The following GNB4 variants were observed in gnomAD, a reference collection of about 807,000 sequenced individuals.
GNB4 encodes guanine nucleotide-binding protein subunit beta-4.
Under a neutral mutation model 45.2 loss-of-function variants are expected in GNB4, and 28 were observed. The observed-to-expected ratio is 0.62, with a 90% CI of 0.46 to 0.85. GNB4 has a LOEUF of 0.85. Among genes scored for constraint, GNB4 ranks in the 40% least tolerant of loss-of-function variants. The pLI, the probability that GNB4 is intolerant of heterozygous loss-of-function variation, is 0.00. For missense variants in GNB4, 321 were observed against 425.4 expected (o/e 0.75, Z 2.16); for synonymous variants, 132 against 143.7 (o/e 0.92, Z 0.58).
chr3:179,526,353 C>G, the GNB4 span, among the ~76,000 whole-genome samples: 1 of 152,176 alleles, frequency 6.6e-6, no homozygotes. Flanking sequence ...CTGACAGACA[C>G]CAGGCACAAG....
At chr3:179,461,421 C>CG in the GNB4 span, among the ~76,000 whole-genome samples, 1 of 151,186 alleles carries the variant, frequency 6.6e-6, no homozygotes, top group South Asian at 2.1e-4. Context: ...GGCGTGAACC[C>CG]GGGAGGCGGA....
the GNB4 span, among the ~76,000 whole-genome samples, chr3:179,474,737 CTTTTTTTTTTTT>C: frequency 5.0e-5 from 3 of 59,726 alleles, no homozygotes; most frequent in East Asian, 7.6e-4. Flanking sequence ...AGACTGGGTC[CTTTTTTTTTTTT>C]TTTTTTTTTT....
At chr3:179,519,452 TCCACATTACCTTCTTTTCAAGGG>T in the GNB4 span, among the ~76,000 whole-genome samples, 2 of 152,174 alleles carry the variant, frequency 1.3e-5, no homozygotes, top group Non-Finnish European at 1.5e-5. Context: ...GGCTACCCAC[TCCACATTACCTTCTTTTCAAGGG>T]CCTGTTTCCC....
Position 179,397,651 on chromosome 3 carries a change from G to GATA in GNB4, c.*3559_*3561dup, listed in dbSNP as rs1714159543. 6.6e-6 allele frequency: 1 copy of GATA among 152,598 alleles called. No homozygotes were observed. The highest frequency in any genetic ancestry group is 2.1e-4 in the South Asian group (1 of 4,828). 9.5% of individuals were successfully genotyped at this position (152,598 alleles called of 1,614,324 possible). A position where few individuals can be genotyped will look rare whatever the true frequency, so the allele number is the denominator to read the frequency against. Reference sequence around the variant, plus strand: ...AAACTTGAGCTAGGGAGGAACCTTGGATATTCAGTCTACATCTCAAACAGC... The same window carrying GATA: ...AAACTTGAGCTAGGGAGGAACCTTGGATAATATTCAGTCTACATCTCAAACAGC... On this transcript the variant is annotated 3_prime_UTR_variant, in exon 10 of 10. Transcript: ENST00000232564.
In GNB4 at chr3:179,426,233, G is replaced by A. The variant is rs16830460; in HGVS notation, c.-33C>T. ...ATTTGTTTACCTCAGGAGCTAATGA[G>A]TGAAAACAGCTGTTAAAAAACAGAG... On this transcript the variant is annotated 5_prime_UTR_variant, in exon 2 of 10. Transcript: ENST00000232564. 13,034 of 1,508,270 alleles carry A rather than the reference G, an allele frequency of 8.6e-3. 394 individuals carry two copies. The African/African-American group carries it at 0.097, about 11-fold the overall frequency. The allele number at this position is 1,508,270 out of a possible 1,614,324, so 93.4% of individuals were successfully genotyped here. A position where few individuals can be genotyped will look rare whatever the true frequency, so the allele number is the denominator to read the frequency against.
At chr3:179,518,784 A>C in the GNB4 span, among the ~76,000 whole-genome samples, 71 of 152,334 alleles carry the variant, frequency 4.7e-4, no homozygotes, top group Middle Eastern at 3.4e-3. Context: ...TTCATGGCTC[A>C]TTTGGCAGCA....
At chr3:179,453,889 TA>T (rs1234648754), upstream of GNB4, among the ~76,000 whole-genome samples, 4 of 151,926 alleles carry the variant, frequency 2.6e-5, no homozygotes, top group Non-Finnish European at 4.4e-5. Context: ...GACAAGCCTA[TA>T]CTGAAAATCT....
chr3:179,461,450 T>C, the GNB4 span, among the ~76,000 whole-genome samples: 1 of 150,442 alleles, frequency 6.6e-6, no homozygotes, highest in Admixed American at 6.6e-5. Context: ...TGAGCCGAGA[T>C]TGCGCCACTG....
chr3:179,401,332 T>A lies in GNB4; in HGVS notation c.917-13A>T. The A allele has an allele frequency of 1.3e-6, 2 of 1,585,802 alleles. No individual in the cohort carries two copies. The highest frequency in any genetic ancestry group is 4.5e-5 in the East Asian group (2 of 44,472). ...CCAGCAAGGACACCTGAAAAAAAAATTCAGTAAAAAATTGGCAATTGTAGG... is the reference window on the plus strand; with the variant it reads ...CCAGCAAGGACACCTGAAAAAAAAAATCAGTAAAAAATTGGCAATTGTAGG... On this transcript the variant is annotated splice_polypyrimidine_tract_variant and intron_variant, in intron 9 of 9. Transcript: ENST00000232564.
the GNB4 span, among the ~76,000 whole-genome samples, chr3:179,456,850 C>G: frequency 1.6e-4 from 25 of 152,140 alleles, no homozygotes; most frequent in African/African-American, 5.8e-4. Context: ...TCTTTTCTCA[C>G]TTAGCATAAC....
In GNB4 at chr3:179,428,851, A is replaced by G. The variant is rs572134643; in HGVS notation, c.-42-2609T>C. 7.9e-5 allele frequency among the ~76,000 whole-genome samples: 12 copies of G among 152,250 alleles called. No individual in the cohort carries two copies. In the East Asian group the frequency reaches 2.1e-3, roughly 27 times the overall value. On this transcript the variant is annotated intron_variant, in intron 1 of 9. Coordinates refer to ENST00000232564, the MANE Select transcript of GNB4 (RefSeq NM_021629.4). ...GTCCTTCCCCCAAAGCCACACACAC[A>G]TACCAGTGACCTTCTAAAGCAGGAG...
the GNB4 span, among the ~76,000 whole-genome samples, chr3:179,460,561 C>A: frequency 6.6e-6 from 1 of 152,172 alleles, no homozygotes; most frequent in East Asian, 1.9e-4. Context: ...GTTGATAAAG[C>A]AGCAGCTCTA....
At chr3:179,500,537 T>G in the GNB4 span, among the ~76,000 whole-genome samples, 2 of 152,222 alleles carry the variant, frequency 1.3e-5, no homozygotes, top group Admixed American at 1.3e-4. Flanking sequence ...GCTTTGTTCT[T>G]TTTGCTTAGG....
the GNB4 span, among the ~76,000 whole-genome samples, chr3:179,489,272 A>G: frequency 6.6e-6 from 1 of 151,836 alleles, no homozygotes; most frequent in Non-Finnish European, 1.5e-5. Flanking sequence ...CAATTCCACA[A>G]ATGAAACACA....
At chr3:179,458,529 G>T in the GNB4 span, among the ~76,000 whole-genome samples, 1 of 152,066 alleles carries the variant, frequency 6.6e-6, no homozygotes, top group Non-Finnish European at 1.5e-5. Flanking sequence ...AAATATATTC[G>T]TCCCTCTGTA....
the GNB4 span, among the ~76,000 whole-genome samples, chr3:179,461,487 A>T: frequency 1.9e-5 from 2 of 106,176 alleles, no homozygotes; most frequent in African/African-American, 8.3e-5. Flanking sequence ...ACAGAGCGAG[A>T]CTCCGTCTCA....
upstream of GNB4, chr3:179,451,476 G>A (rs1377279153): frequency 1.3e-5 from 2 of 150,886 alleles, no homozygotes; most frequent in African/African-American, 4.8e-5. Context: ...GCCACACCCA[G>A]TCCCGCACCT....
chr3:179,510,108 G>A, the GNB4 span, among the ~76,000 whole-genome samples: 1 of 152,040 alleles, frequency 6.6e-6, no homozygotes, highest in Non-Finnish European at 1.5e-5. Flanking sequence ...GGGATTACAG[G>A]TGTGAGCCAC....
At chr3:179,408,450 T>C (rs1296082169) in intron 8 of GNB4, among the ~76,000 whole-genome samples, 6 of 151,978 alleles carry the variant, frequency 3.9e-5, no homozygotes, top group African/African-American at 1.5e-4. Context: ...TTAATGTCTA[T>C]GTAACTTAAA....
Sources: allele counts gnomAD v4.1 joint callset (sites outside exome capture counted in the v4.1 genomes callset), GRCh38; gene constraint gnomAD v4.1.1; transcripts MANE v1.5; gene names NCBI Gene and HGNC (gene_info 2026-07-23, HGNC 2026-07-21).